ABCC6: variants seen among roughly 807,000 people sequenced by gnomAD.
ABCC6 encodes the protein ATP-binding cassette sub-family C member 6.
ABCC6 carries 126 observed loss-of-function variants against 169.5 expected under a neutral mutation model. That is an observed-to-expected ratio of 0.74 (90% CI 0.64 to 0.86). The LOEUF is 0.86. ABCC6 is among the 40% of genes least tolerant of loss of function. The pLI is 0.00. For missense variants in ABCC6, 1,733 were observed against 1,927.2 expected, an observed-to-expected ratio of 0.90 and a Z score of 1.89; for synonymous variants, 752 against 814.7, an observed-to-expected ratio of 0.92 and a Z score of 1.31.
chr16:16,168,821 C>G (rs1402411278), intron 22 of ABCC6, among the ~76,000 whole-genome samples: 1 of 152,102 alleles, frequency 6.6e-6, no homozygotes, highest in East Asian at 1.9e-4. Context: ...GGGCTCACAC[C>G]TGTAATCCCA....
chr16:16,165,571 C>G, intron 23 of ABCC6, 52 bp downstream of exon 23: 1 of 1,599,104 alleles, frequency 6.3e-7, no homozygotes, highest in Non-Finnish European at 8.6e-7. Context: ...AGACAGGGGA[C>G]TGGCTGAGTT....
Position 16,188,958 on chromosome 16 carries a change from A to G in ABCC6, c.1652T>C (p.Phe551Ser), listed in dbSNP as rs72653774. ...CTCGGCCACCAGAGTGTGGACAGCA[A>G]ACACCACCAGTGCGACCTGGGGGGT... ...VSTFLVALVV[F>S]AVHTLVAENA... is the part of the protein sequence containing the mutation. The change falls in exon 13 of 31, where the codon TTT becomes TCT. Residue 551 changes from phenylalanine (F) to serine (S), a missense_variant. This residue lies in a region of ABCC6 where 1,601 missense variants were observed against 1,635.5 expected (regional missense o/e 0.98). Coordinates refer to ENST00000205557, the MANE Select transcript of ABCC6 (RefSeq NM_001171.6). 7.4e-6 allele frequency: 12 copies of G among 1,613,888 alleles called. No homozygotes were observed. The highest frequency in any genetic ancestry group is 1.0e-5 in the Non-Finnish European group (12 of 1,180,016).
intron 11 of ABCC6, 66 bp from the exon 12 acceptor site, chr16:16,190,433 C>T (rs2047811252): frequency 1.5e-5 from 24 of 1,565,468 alleles, no homozygotes; most frequent in Non-Finnish European, 2.1e-5. Flanking sequence ...TGCACCCTGA[C>T]AGCCACCCTT....
At position 16,169,763 on chromosome 16, in the gene ABCC6, C is replaced by T. The variant is rs781769354; in HGVS notation, c.2878G>A (p.Ala960Thr). The change falls in exon 22 of 31, where the codon GCC (alanine) becomes ACC (threonine). Residue 960 changes from alanine (A) to threonine (T), a missense_variant. Transcript: ENST00000205557. The stretch of plus-strand genomic sequence containing the variant: ...AGCCAGTAGCCCCGGCAGAAGGAGG[C>T]CACTTGCTGGCAGAGGAAGAGGAAG... ...ALFLFLCQQVASFCRGYWLSL... is the reference protein window; with the variant it reads ...ALFLFLCQQVTSFCRGYWLSL... The T allele has an allele frequency of 5.6e-6, 9 of 1,599,608 alleles. No individual in the cohort carries two copies. Among genetic ancestry groups the T allele is most frequent in the Admixed American group, 1.7e-5 (1 of 57,654 alleles).
At position 16,177,501 on chromosome 16, in the gene ABCC6, G is replaced by A. The variant is rs1437109566; in HGVS notation, c.2541C>T (p.Leu847=). Residue 847 remains leucine, a synonymous_variant, in exon 19 of 31, where the codon CTC becomes CTT. Coordinates refer to ENST00000205557, the MANE Select transcript of ABCC6 (RefSeq NM_001171.6). The stretch of plus-strand genomic sequence containing the variant: ...GTCTGGCTTGATCCAGAAGACACAT[G>A]AGGGCCCCCTTCCTCTGCAGAAGCT... The part of the protein sequence containing the change: ...YQELLQRKGA[L]MCLLDQARQP... 6.8e-6 allele frequency: 11 copies of A among 1,613,698 alleles called. No homozygotes were observed. The highest frequency in any genetic ancestry group is 4.4e-5 in the South Asian group (4 of 91,042).
chr16:16,157,702 A>T lies in ABCC6; in HGVS notation c.3843T>A (p.Ala1281=). The stretch of plus-strand genomic sequence containing the variant: ...GGATCTTGAAGGACACGCCCTGCAC[A>T]GCCAGCGGGAGCTCAGGTCGGTATC... ...GLRYRPELPL[A]VQGVSFKIHA... is the part of the protein sequence containing the mutation. Residue 1281 remains alanine, a synonymous_variant, in exon 27 of 31, where the codon GCT becomes GCA. Coordinates refer to ENST00000205557, the MANE Select transcript of ABCC6 (RefSeq NM_001171.6). 6.2e-7 allele frequency: 1 copy of T among 1,614,110 alleles called. No homozygotes were observed. The highest frequency in any genetic ancestry group is 8.5e-7 in the Non-Finnish European group (1 of 1,180,016).
chr16:16,162,943 C>G (rs2046766071), intron 24 of ABCC6, 50 bp downstream of exon 24: 4 of 1,611,330 alleles, frequency 2.5e-6, no homozygotes, highest in Non-Finnish European at 8.5e-7. Context: ...GTCTCACCCT[C>G]TAAGGATATG....
In ABCC6 at chr16:16,187,169, C is replaced by T. The variant is rs772029460; in HGVS notation, c.1822G>A (p.Glu608Lys). The T allele has an allele frequency of 5.6e-6, 9 of 1,613,364 alleles. No individual in the cohort carries two copies. The South Asian group carries it at 9.9e-5, about 18-fold the overall frequency. ...FDRLVTFLCLEEVDPGVVDSS... is the reference protein window; with the variant it reads ...FDRLVTFLCLKEVDPGVVDSS... ...TCTACGACACCAGGGTCAACTTCTT[C>T]CAGGCAGAGGAAGGTGACCAGACGG... is the stretch of plus-strand genomic sequence containing the variant. Residue 608 changes from glutamate to lysine, a missense_variant, in exon 14 of 31, where the codon GAA becomes AAA. By Grantham distance (56) the Glu-to-Lys change is moderately conservative. Around this residue, in one of 5 missense-constraint regions of ABCC6, gnomAD observed 1,601 missense variants for 1,635.5 expected, o/e 0.98. Coordinates refer to ENST00000205557, the MANE Select transcript of ABCC6 (RefSeq NM_001171.6).
intron 12 of ABCC6, among the ~76,000 whole-genome samples, chr16:16,189,456 C>T (rs149052439): frequency 0.011 from 1,674 of 148,942 alleles, 38 homozygotes; most frequent in African/African-American, 0.039. Flanking sequence ...CTTGCTCTGT[C>T]GCCCAGGCTG....
rs374244303 is a variant in ABCC6, at chr16:16,190,340, G to C, written c.1459C>G (p.Arg487Gly). Residue 487 changes from arginine to glycine, a missense_variant, in exon 12 of 31, where the codon CGG (arginine) becomes GGG (glycine). Around this residue, in one of 5 missense-constraint regions of ABCC6, gnomAD observed 1,601 missense variants for 1,635.5 expected, o/e 0.98. Coordinates refer to ENST00000205557, the MANE Select transcript of ABCC6 (RefSeq NM_001171.6). ...AGGATAGAGCTGGTGAGCCGTGCCC[G>C]TGAGTCCTTCTGCCTCATTTGCTCC... ...QEEQMRQKDS[R>G]ARLTSSILRN... is the part of the protein sequence containing the mutation. 6 of 1,614,030 alleles carry C rather than the reference G, an allele frequency of 3.7e-6. No individual in the cohort carries two copies. The highest frequency in any genetic ancestry group is 4.5e-5 in the East Asian group (2 of 44,886).
At chr16:16,180,873 G>T (rs1333886670) in intron 17 of ABCC6, among the ~76,000 whole-genome samples, 1 of 152,184 alleles carries the variant, frequency 6.6e-6, no homozygotes, top group African/African-American at 2.4e-5. Flanking sequence ...AGGCTCTGGA[G>T]AAACAGCAAT....
At chr16:16,159,441 A>C in intron 26 of ABCC6, 41 bp downstream of exon 26, 24 of 1,394,008 alleles carry the variant, frequency 1.7e-5, no homozygotes, top group Non-Finnish European at 2.2e-5. Context: ...CCCCCACAAT[A>C]TGTCCTTGCT....
chr16:16,178,997 C>A, intron 17 of ABCC6, 32 bp from the exon 18 acceptor site: 1 of 1,606,942 alleles, frequency 6.2e-7, no homozygotes, highest in South Asian at 1.1e-5. Flanking sequence ...TGGCCTGAGT[C>A]AGCATCTACA....
intron 12 of ABCC6, 146 bp downstream of exon 12, chr16:16,190,018 A>AG (rs1423495011): frequency 2.5e-6 from 2 of 807,080 alleles, no homozygotes; most frequent in Non-Finnish European, 2.0e-6. Context: ...AGAAGACAGC[A>AG]GGGACCCAGA....
At chr16:16,175,630 C>G (rs1026424795) in intron 20 of ABCC6, among the ~76,000 whole-genome samples, 2 of 152,220 alleles carry the variant, frequency 1.3e-5, no homozygotes, top group Non-Finnish European at 2.9e-5. Context: ...AGCATTCAGA[C>G]AACTCCAGCA....
chr16:16,214,185 A>G, intron 5 of ABCC6, 139 bp downstream of exon 5: 1 of 1,500,382 alleles, frequency 6.7e-7, no homozygotes, highest in Non-Finnish European at 9.1e-7. Flanking sequence ...AAAGTCTGCC[A>G]ACTGTGGCAT....
rs2046849427 is a variant in ABCC6, at chr16:16,165,654, A to G, written c.3275T>C (p.Leu1092Pro). ...CCCAGCGTAGAGGAGAAACAGTGGCAGGATGGCCACAGTGGCCAGTGGGGT... is the reference window on the plus strand; with the variant it reads ...CCCAGCGTAGAGGAGAAACAGTGGCGGGATGGCCACAGTGGCCAGTGGGGT... ...VATPLATVAI[L>P]PLFLLYAGFQ... The change falls in exon 23 of 31, where the codon CTG becomes CCG. Residue 1092 changes from leucine (L) to proline (P), a missense_variant. This residue lies in a region of ABCC6 where 1,601 missense variants were observed against 1,635.5 expected (regional missense o/e 0.98). Coordinates refer to ENST00000205557, the MANE Select transcript of ABCC6 (RefSeq NM_001171.6). The G allele has an allele frequency of 6.2e-7, 1 of 1,612,636 alleles. No individual in the cohort carries two copies. Among genetic ancestry groups the G allele is most frequent in the Non-Finnish European group, 8.5e-7 (1 of 1,179,988 alleles).
rs945950876 is a variant in ABCC6, at chr16:16,153,740, C to CA, written c.4208+887dup. 2.6e-5 allele frequency among the ~76,000 whole-genome samples: 4 copies of CA among 151,422 alleles called. No individual in the cohort carries two copies. In the East Asian group the frequency reaches 7.9e-4, roughly 30 times the overall value. On this transcript the variant is annotated intron_variant, in intron 29 of 30. Coordinates refer to ENST00000205557, the MANE Select transcript of ABCC6 (RefSeq NM_001171.6). ...GCAACATGGTGAAACCCTGTCTCTACAAAAAATAAAAAGATTACCTGGCCC... is the reference window on the plus strand; with the variant it reads ...GCAACATGGTGAAACCCTGTCTCTACAAAAAAATAAAAAGATTACCTGGCCC...
intron 10 of ABCC6, 46 bp downstream of exon 10, chr16:16,197,975 G>C (rs1167132626): frequency 9.5e-6 from 15 of 1,581,700 alleles, no homozygotes; most frequent in African/African-American, 1.3e-5. Flanking sequence ...GGAGAAGGAG[G>C]GGGTGGGGGA....
Sources: allele counts gnomAD v4.1 joint callset (sites outside exome capture counted in the v4.1 genomes callset), GRCh38; gene constraint gnomAD v4.1.1; regional missense constraint gnomAD v4.1.1; transcripts MANE v1.5; gene names NCBI Gene and HGNC (gene_info 2026-07-23, HGNC 2026-07-21).